Variants in NUFIP2 observed in about 807,000 individuals in gnomAD.
The protein encoded by NUFIP2 is nuclear FMR1 interacting protein 2.
NUFIP2 carries 6 observed loss-of-function variants against 56.9 expected under a neutral mutation model. The observed-to-expected ratio is 0.11, with a 90% CI of 0.06 to 0.21. The LOEUF is 0.21. NUFIP2 is among the 10% of genes least tolerant of loss of function. The probability of loss-of-function intolerance (pLI) is 1.00; values close to 1 mark genes in which losing one functional copy is unlikely to be tolerated. For missense variants in NUFIP2, 828 were observed against 826.8 expected, an observed-to-expected ratio of 1.00 and a Z score of -0.02; for synonymous variants, 321 against 298.2, an observed-to-expected ratio of 1.08 and a Z score of -0.79.
At position 29,265,270 on chromosome 17, in the gene NUFIP2, G is replaced by T. The variant is rs138689903; in HGVS notation, c.2036-679C>A. On this transcript the variant is annotated intron_variant, in intron 3 of 3. Transcript: ENST00000225388. Reference sequence around the variant, plus strand: ...CTGCATGCTCCCCTCTTCTGGAGGGGAACTGTTTTTATTTTTATTTTTTTA... The same window carrying T: ...CTGCATGCTCCCCTCTTCTGGAGGGTAACTGTTTTTATTTTTATTTTTTTA... Among the ~76,000 whole-genome samples, 475 of 151,032 alleles carry T rather than the reference G, an allele frequency of 3.1e-3. 9 individuals carry two copies. Among genetic ancestry groups the T allele is most frequent in the Admixed American group, 0.029 (447 of 15,208 alleles).
rs973775372 is a variant in NUFIP2 at position 29,256,418 on chromosome 17, A to G, written c.*8121T>C. 2.6e-5 allele frequency: 4 copies of G among 152,182 alleles called. No individual in the cohort carries two copies. Among genetic ancestry groups the G allele is most frequent in the Non-Finnish European group, 4.4e-5 (3 of 68,020 alleles). The allele number at this position is 152,182 out of a possible 1,614,324, so 9.4% of individuals were successfully genotyped here. A position where few individuals can be genotyped will look rare whatever the true frequency, so the allele number is the denominator to read the frequency against. On this transcript the variant is annotated 3_prime_UTR_variant, in exon 4 of 4. Coordinates refer to ENST00000225388, the MANE Select transcript of NUFIP2 (RefSeq NM_020772.3). The stretch of plus-strand genomic sequence containing the variant: ...TAAGGCCATGCAATTAATATGGGTC[A>G]CCTTTTAAGTCTTAACTGGATAACT...
At chr17:29,272,392 C>G (rs1411018102) in intron 2 of NUFIP2, among the ~76,000 whole-genome samples, 1 of 151,966 alleles carries the variant, frequency 6.6e-6, no homozygotes, top group Non-Finnish European at 1.5e-5. Flanking sequence ...AGGCGCATGC[C>G]ACCAAGCCCG....
At chr17:29,292,253 C>T (rs2069218921) in intron 1 of NUFIP2, among the ~76,000 whole-genome samples, 1 of 152,018 alleles carries the variant, frequency 6.6e-6, no homozygotes, top group Non-Finnish European at 1.5e-5. Flanking sequence ...CATGGATGAG[C>T]CACTTGGGTT....
intron 2 of NUFIP2, among the ~76,000 whole-genome samples, chr17:29,268,299 A>T (rs2069050904): frequency 6.6e-6 from 1 of 152,236 alleles, no homozygotes; most frequent in Admixed American, 6.5e-5. Context: ...TGCAAGACAC[A>T]TGCTACAGAT....
chr17:29,273,288 T>A (rs949631510), intron 2 of NUFIP2, among the ~76,000 whole-genome samples: 5 of 152,108 alleles, frequency 3.3e-5, no homozygotes, highest in Admixed American at 2.0e-4. Flanking sequence ...TCCACCCGCC[T>A]CGGCCTCCCA....
intron 2 of NUFIP2, among the ~76,000 whole-genome samples, chr17:29,268,304 A>C (rs2069050947): frequency 6.6e-6 from 1 of 152,248 alleles, no homozygotes; most frequent in Non-Finnish European, 1.5e-5. Context: ...GACACATGCT[A>C]CAGATAAAAT....
chr17:29,265,338 T>G (rs1160263282), intron 3 of NUFIP2, among the ~76,000 whole-genome samples: 1 of 146,634 alleles, frequency 6.8e-6, no homozygotes, highest in East Asian at 2.0e-4. Context: ...AGTCTCGCTC[T>G]GTCGCCCAGG....
chr17:29,293,716 G>GGC, intron 1 of NUFIP2, 67 bp downstream of exon 1: 1 of 1,407,638 alleles, frequency 7.1e-7, no homozygotes, highest in Non-Finnish European at 9.5e-7. Flanking sequence ...TTCGGATCCA[G>GGC]CCCCACCCCC....
At chr17:29,264,653 A>G (rs367612094) in intron 3 of NUFIP2, 62 bp from the exon 4 acceptor site, 8 of 1,058,542 alleles carry the variant, frequency 7.6e-6, no homozygotes, top group Admixed American at 3.5e-5. Flanking sequence ...CCGTATTCCA[A>G]TAACAATCCC....
intron 1 of NUFIP2, among the ~76,000 whole-genome samples, chr17:29,290,087 G>A (rs867831649): frequency 6.6e-6 from 1 of 151,900 alleles, no homozygotes; most frequent in Admixed American, 6.6e-5. Context: ...GTTCCGCCAC[G>A]TTGGCCTGGC....
Position 29,294,085 on chromosome 17 carries a change from G to A in NUFIP2, c.-26C>T, listed in dbSNP as rs763578839. On this transcript the variant is annotated 5_prime_UTR_variant, in exon 1 of 4. Transcript: ENST00000225388. ...TGAAAGCGGCTGGGACTCCCTGGCT[G>A]AGGCTGCGGGCTGCTGCACCGTCAG... The A allele has an allele frequency of 1.3e-6, 2 of 1,573,488 alleles. No individual in the cohort carries two copies. Among genetic ancestry groups the A allele is most frequent in the Non-Finnish European group, 8.6e-7 (1 of 1,157,782 alleles).
At position 29,286,804 on chromosome 17, in the gene NUFIP2, C is replaced by G; in HGVS notation, c.1190G>C (p.Arg397Pro). 5.6e-6 allele frequency: 9 copies of G among 1,614,050 alleles called. No homozygotes were observed. The highest frequency in any genetic ancestry group is 1.1e-5 in the South Asian group (1 of 91,080). ...CGCTGACATAGGGACCTGGGATAAGCGACTTGATGATTGGGTCTGAGTTTC... is the reference window on the plus strand; with the variant it reads ...CGCTGACATAGGGACCTGGGATAAGGGACTTGATGATTGGGTCTGAGTTTC... ...TGETQTQSSS[R>P]LSQVPMSALK... is the part of the protein sequence containing the mutation. The change falls in exon 2 of 4, where the codon CGC becomes CCC. Residue 397 changes from arginine (R) to proline (P), a missense_variant. Arg to Pro is a moderately radical substitution (Grantham distance 103). Coordinates refer to ENST00000225388, the MANE Select transcript of NUFIP2 (RefSeq NM_020772.3).
At chr17:29,285,966 C>G (rs377725896) in intron 2 of NUFIP2, 26 bp downstream of exon 2, 9 of 1,550,246 alleles carry the variant, frequency 5.8e-6, no homozygotes, top group African/African-American at 5.5e-5. Context: ...CAATAAAAAT[C>G]TTTGTATAGG....
At chr17:29,276,473 C>T (rs1338219003) in intron 2 of NUFIP2, among the ~76,000 whole-genome samples, 1 of 152,104 alleles carries the variant, frequency 6.6e-6, no homozygotes, top group Non-Finnish European at 1.5e-5. Context: ...GCTGGGACTA[C>T]AGGCACGCGC....
At position 29,262,580 on chromosome 17, in the gene NUFIP2, G is replaced by A. The variant is rs537962144; in HGVS notation, c.*1959C>T. 1 of 152,394 alleles carries A rather than the reference G, an allele frequency of 6.6e-6. No individual in the cohort carries two copies. The highest frequency in any genetic ancestry group is 1.9e-4 in the East Asian group (1 of 5,180). The allele number at this position is 152,394 out of a possible 1,614,324, so 9.4% of individuals were successfully genotyped here. A position where few individuals can be genotyped will look rare whatever the true frequency, so the allele number is the denominator to read the frequency against. ...CAACAAAAATCAAAATAGGAACAAG[G>A]CAGACTAAATGCAGGGCACATCTGT... On this transcript the variant is annotated 3_prime_UTR_variant, in exon 4 of 4. Transcript: ENST00000225388.
chr17:29,270,895 T>C (rs2069068139), intron 2 of NUFIP2, among the ~76,000 whole-genome samples: 1 of 152,218 alleles, frequency 6.6e-6, no homozygotes, highest in South Asian at 2.1e-4. Flanking sequence ...TCCTTTTTTC[T>C]TCCCCACTGG....
At position 29,264,573 on chromosome 17, in the gene NUFIP2, G is replaced by A. The variant is rs1400768950; in HGVS notation, c.2054C>T (p.Thr685Ile). ...TGGACTATCCATGGCTTCATTGTAAGTGATTATCCTTTTGGGATCTAGAAA... is the reference window on the plus strand; with the variant it reads ...TGGACTATCCATGGCTTCATTGTAAATGATTATCCTTTTGGGATCTAGAAA... ...LQKQDPKRII[T>I]YNEAMDSPDQ Residue 685 changes from threonine to isoleucine, a missense_variant, in exon 4 of 4, where the codon ACT becomes ATT. By Grantham distance (89) the Thr-to-Ile change is moderately conservative. Around this residue, in one of 3 missense-constraint regions of NUFIP2, gnomAD observed 404 missense variants for 380.3 expected, o/e 1.06. Coordinates refer to ENST00000225388, the MANE Select transcript of NUFIP2 (RefSeq NM_020772.3). The A allele has an allele frequency of 6.2e-7, 1 of 1,604,454 alleles. No homozygotes were observed. Among genetic ancestry groups the A allele is most frequent in the Non-Finnish European group, 8.5e-7 (1 of 1,171,882 alleles).
chr17:29,264,744 A>G (rs2076229803), intron 3 of NUFIP2, among the ~76,000 whole-genome samples, 153 bp from the exon 4 acceptor site: 2 of 152,194 alleles, frequency 1.3e-5, no homozygotes, highest in Admixed American at 6.6e-5. Context: ...CAACACATGT[A>G]TGATCCAGTT....
In NUFIP2 at chr17:29,286,202, T is replaced by A; in HGVS notation, c.1792A>T (p.Ile598Leu). ...SGALSLEPSH[I>L]GDLQKADTSS... ...GTGTCTGCTTTCTGCAGGTCACCTA[T>A]ATGACTGGGTTCCAAGGATAAGGCT... The change falls in exon 2 of 4, where the codon ATA becomes TTA. Residue 598 changes from isoleucine to leucine, a missense_variant. Physicochemically the swap from Ile to Leu is conservative, Grantham distance 5. Around this residue, in one of 3 missense-constraint regions of NUFIP2, gnomAD observed 404 missense variants for 380.3 expected, o/e 1.06. Transcript: ENST00000225388. The A allele has an allele frequency of 1.2e-6, 2 of 1,614,134 alleles. No homozygotes were observed. The highest frequency in any genetic ancestry group is 1.7e-6 in the Non-Finnish European group (2 of 1,179,990).
Sources: allele counts gnomAD v4.1 joint callset (sites outside exome capture counted in the v4.1 genomes callset), GRCh38; gene constraint gnomAD v4.1.1; regional missense constraint gnomAD v4.1.1; transcripts MANE v1.5; gene names NCBI Gene and HGNC (gene_info 2026-07-23, HGNC 2026-07-21).